The following GOLPH3 variants were observed in gnomAD, a reference collection of about 807,000 sequenced individuals.
GOLPH3 encodes coat protein GPP34.
GOLPH3 carries 14 observed loss-of-function variants against 28.5 expected under a neutral mutation model. The ratio of observed to expected loss-of-function variants is 0.49; its 90% CI spans 0.32 to 0.77. GOLPH3 has a LOEUF of 0.77. Among genes scored for constraint, GOLPH3 ranks in the 30% least tolerant of loss-of-function variants. The pLI, the probability that GOLPH3 is intolerant of heterozygous loss-of-function variation, is 0.03. For missense variants in GOLPH3, 350 were observed against 393.7 expected (o/e 0.89, Z 0.94); for synonymous variants, 158 against 159.2 (o/e 0.99, Z 0.06).
At chr5:32,146,027 T>C (rs926703788) in intron 1 of GOLPH3, among the ~76,000 whole-genome samples, 1 of 152,020 alleles carries the variant, frequency 6.6e-6, no homozygotes, top group Non-Finnish European at 1.5e-5. Flanking sequence ...CGCAGTGACA[T>C]ACACCTGTAA....
At chr5:32,172,373 T>G (rs1361069615) in intron 1 of GOLPH3, among the ~76,000 whole-genome samples, 5 of 152,036 alleles carry the variant, frequency 3.3e-5, no homozygotes, top group Admixed American at 3.3e-4. Flanking sequence ...TTTTTTTTTT[T>G]TTGCCCACCT....
At chr5:32,173,642 C>A in intron 1 of GOLPH3, 168 bp downstream of exon 1, 2 of 420,402 alleles carry the variant, frequency 4.8e-6, no homozygotes, top group Non-Finnish European at 8.0e-6. Context: ...GGGGGTCAAC[C>A]AACTCCGACA....
chr5:32,145,851 C>T (rs161524), intron 1 of GOLPH3, among the ~76,000 whole-genome samples: 111,478 of 152,078 alleles, frequency 0.73, 41,539 homozygotes, highest in African/African-American at 0.88. Flanking sequence ...TGAATGGGAA[C>T]GGACAGTTCT....
intron 1 of GOLPH3, among the ~76,000 whole-genome samples, chr5:32,148,169 G>A (rs942860609): frequency 2.6e-5 from 4 of 152,162 alleles, no homozygotes; most frequent in African/African-American, 9.7e-5. Context: ...CTGTTGCCAT[G>A]TAAAATGTGG....
chr5:32,135,677 T>TAA lies in GOLPH3; in HGVS notation c.366_367insTT (p.Lys123LeufsTer16). ...ACATCCCCTGTTGGAGCATCTGACT[T>TAA]ACAGATTACCTAAAAAGAAAGCAAA... On this transcript the variant is annotated frameshift_variant, in exon 3 of 4. Transcript: ENST00000265070. LOFTEE classifies it high-confidence loss of function. 6.2e-7 allele frequency: 1 copy of TAA among 1,604,932 alleles called. No homozygotes were observed. The highest frequency in any genetic ancestry group is 8.5e-7 in the Non-Finnish European group (1 of 1,172,026).
intron 3 of GOLPH3, among the ~76,000 whole-genome samples, chr5:32,127,369 T>C (rs1745705371): frequency 6.6e-6 from 1 of 152,228 alleles, no homozygotes; most frequent in East Asian, 1.9e-4. Context: ...CATGCAACTA[T>C]TTTTATACTT....
At chr5:32,161,229 C>T (rs1746568534) in intron 1 of GOLPH3, among the ~76,000 whole-genome samples, 1 of 150,276 alleles carries the variant, frequency 6.7e-6, no homozygotes, top group Admixed American at 6.6e-5. Context: ...ACAGCAAAAC[C>T]CCATCTCTAC....
chr5:32,138,891 A>T (rs1262753723), intron 2 of GOLPH3, among the ~76,000 whole-genome samples: 2 of 152,382 alleles, frequency 1.3e-5, no homozygotes, highest in East Asian at 3.9e-4. Flanking sequence ...GAGCACAAGA[A>T]AATAAAGAAA....
At chr5:32,158,922 G>A (rs1746514051) in intron 1 of GOLPH3, among the ~76,000 whole-genome samples, 1 of 152,160 alleles carries the variant, frequency 6.6e-6, no homozygotes, top group Non-Finnish European at 1.5e-5. Context: ...TGTTAAAACT[G>A]TGTTAAGCAT....
intron 1 of GOLPH3, among the ~76,000 whole-genome samples, chr5:32,170,868 A>G (rs1445376685): frequency 1.3e-5 from 2 of 151,886 alleles, no homozygotes; most frequent in Non-Finnish European, 2.9e-5. Flanking sequence ...AGTAGTCTCA[A>G]CCCCACCCCT....
intron 1 of GOLPH3, among the ~76,000 whole-genome samples, chr5:32,161,448 G>A (rs896899519): frequency 2.0e-5 from 3 of 146,972 alleles, no homozygotes; most frequent in Admixed American, 2.0e-4. Context: ...AAAAACCAAA[G>A]CTGAGAATAT....
chr5:32,135,708 T>C, intron 2 of GOLPH3, 22 bp from the exon 3 acceptor site: 1 of 1,444,894 alleles, frequency 6.9e-7, no homozygotes, highest in African/African-American at 1.4e-5. Context: ...GCAAAAAGAA[T>C]GAAAGGATCC....
At chr5:32,146,433 T>C (rs1194996812) in intron 1 of GOLPH3, among the ~76,000 whole-genome samples, 1 of 152,166 alleles carries the variant, frequency 6.6e-6, no homozygotes, top group Non-Finnish European at 1.5e-5. Flanking sequence ...GGCTGGGCCA[T>C]ACACTACCAG....
intron 2 of GOLPH3, among the ~76,000 whole-genome samples, chr5:32,141,996 C>T (rs978303297): frequency 6.6e-5 from 10 of 152,210 alleles, no homozygotes; most frequent in African/African-American, 2.4e-4. Context: ...TCCCAAAGTG[C>T]CGAGACTGCA....
At chr5:32,136,769 A>G (rs1745941832) in intron 2 of GOLPH3, among the ~76,000 whole-genome samples, 1 of 152,248 alleles carries the variant, frequency 6.6e-6, no homozygotes, top group African/African-American at 2.4e-5. Flanking sequence ...ATGCTTAAGT[A>G]TAATACAAAT....
At chr5:32,143,267 G>A (rs1746121624) in intron 2 of GOLPH3, among the ~76,000 whole-genome samples, 1 of 151,458 alleles carries the variant, frequency 6.6e-6, no homozygotes, top group Admixed American at 6.6e-5. Context: ...CTCCTTAAGA[G>A]TCATCACCAC....
chr5:32,168,192 TTGAC>T (rs1384951819), intron 1 of GOLPH3, among the ~76,000 whole-genome samples: 1 of 152,244 alleles, frequency 6.6e-6, no homozygotes, highest in Non-Finnish European at 1.5e-5. Context: ...TGAATACTTG[TTGAC>T]TGAATTTCTG....
intron 1 of GOLPH3, among the ~76,000 whole-genome samples, chr5:32,145,444 T>C (rs1581545371): frequency 6.6e-6 from 1 of 152,320 alleles, no homozygotes; most frequent in East Asian, 1.9e-4. Flanking sequence ...TCTGTGTCCA[T>C]GAAATTAAAG....
At position 32,134,302 on chromosome 5, in the gene GOLPH3, C is replaced by T. The variant is rs139987146; in HGVS notation, c.472+1270G>A. Among the ~76,000 whole-genome samples, 38 of 152,094 alleles carry T rather than the reference C, an allele frequency of 2.5e-4. No individual in the cohort carries two copies. In the East Asian group the frequency reaches 7.0e-3, roughly 28 times the overall value. On this transcript the variant is annotated intron_variant, in intron 3 of 3. Coordinates refer to ENST00000265070, the MANE Select transcript of GOLPH3 (RefSeq NM_022130.4). ...CTCACTGCAACCTCCGTCTCCTAGGCTCAAGCGATCCTCCCACCTCAGCTT... is the reference window on the plus strand; with the variant it reads ...CTCACTGCAACCTCCGTCTCCTAGGTTCAAGCGATCCTCCCACCTCAGCTT...
Sources: gnomAD v4.1 joint callset for allele counts (sites outside exome capture counted in the v4.1 genomes callset) on GRCh38, gnomAD v4.1.1 for gene constraint, MANE v1.5 for transcripts, NCBI Gene and HGNC (gene_info 2026-07-23, HGNC 2026-07-21) for gene names.